The following CHGA variants were observed in gnomAD, a reference collection of about 807,000 sequenced individuals.
The protein encoded by CHGA is chromogranin A.
A neutral mutation model predicts 54.4 loss-of-function variants in CHGA; 41 were observed. That is an observed-to-expected ratio of 0.75 (90% CI 0.59 to 0.98). CHGA has a LOEUF of 0.98. CHGA is among the 50% of genes least tolerant of loss of function. The pLI, the probability that CHGA is intolerant of heterozygous loss-of-function variation, is 0.00. For missense variants in CHGA, 576 were observed against 582.3 expected (o/e 0.99, Z 0.11); for synonymous variants, 249 against 232.8 (o/e 1.07, Z -0.63).
rs189777997 is a variant in CHGA at position 92,927,436 on chromosome 14, C to G, written c.188-114C>G. 15 of 793,902 alleles carry G rather than the reference C, an allele frequency of 1.9e-5. No individual in the cohort carries two copies. In the East Asian group the frequency reaches 2.6e-4, roughly 14 times the overall value. The allele number at this position is 793,902 out of a possible 1,614,324, so 49.2% of individuals were successfully genotyped here. A position where few individuals can be genotyped will look rare whatever the true frequency, so the allele number is the denominator to read the frequency against. On this transcript the variant is annotated intron_variant, in intron 3 of 7. Coordinates refer to ENST00000216492, the MANE Select transcript of CHGA (RefSeq NM_001275.4). ...TGAAGACCCAATCTTGCTGCCACCA[C>G]CCTGGTTTTGAGTTTCCAGAGTAAA... is the stretch of plus-strand genomic sequence containing the variant.
chr14:92,924,919 C>T (rs1239772984), intron 2 of CHGA, among the ~76,000 whole-genome samples: 1 of 152,196 alleles, frequency 6.6e-6, no homozygotes, highest in South Asian at 2.1e-4. Context: ...AGTGCTCATC[C>T]AAATCTCTGA....
chr14:92,932,582 C>A lies in CHGA; in HGVS notation c.1021C>A (p.Arg341Ser). 6.4e-7 allele frequency: 1 copy of A among 1,564,992 alleles called. No individual in the cohort carries two copies. The highest frequency in any genetic ancestry group is 8.7e-7 in the Non-Finnish European group (1 of 1,154,882). Reference protein sequence around the residue: ...RLSKEWEDSKRWSKMDQLAKE... With the variant: ...RLSKEWEDSKSWSKMDQLAKE... ...CTCCAAGGAGTGGGAGGACTCCAAA[C>A]GCTGGAGCAAGATGGACCAGCTGGC... The change falls in exon 7 of 8, where the codon CGC (arginine) becomes AGC (serine). Residue 341 changes from arginine (R) to serine (S), a missense_variant. Arg to Ser is a moderately radical substitution (Grantham distance 110, BLOSUM62 -1). Coordinates refer to ENST00000216492, the MANE Select transcript of CHGA (RefSeq NM_001275.4). The surrounding 1 kb of genome is among the most constrained non-coding windows in gnomAD (Gnocchi z 5.3).
rs1479917849 is a variant in CHGA at position 92,923,350 on chromosome 14, C to T, written c.-10C>T. 28 of 1,322,542 alleles carry T rather than the reference C, an allele frequency of 2.1e-5. No individual in the cohort carries two copies. The highest frequency in any genetic ancestry group is 2.2e-5 in the Non-Finnish European group (23 of 1,039,248). The allele number at this position is 1,322,542 out of a possible 1,614,324, so 81.9% of individuals were successfully genotyped here. ...CCCACACCGCCAGCTGCTCGGCGCC[C>T]GGGTCCGCCATGCGCTCCGCCGCTG... On this transcript the variant is annotated 5_prime_UTR_variant, in exon 1 of 8. Transcript: ENST00000216492.
At position 92,931,335 on chromosome 14, in the gene CHGA, C is replaced by T. The variant is rs567354524; in HGVS notation, c.441C>T (p.Asp147=). The change falls in exon 6 of 8, where the codon GAC becomes GAT. Residue 147 remains aspartate, a synonymous_variant. Transcript: ENST00000216492. ...KEAEKSGEAT[D]GARPQALPEP... is the part of the protein sequence containing the mutation. The stretch of plus-strand genomic sequence containing the variant: ...CAGAGAAAAGTGGTGAAGCCACAGA[C>T]GGAGCCAGGCCCCAGGCCCTCCCGG... 3.2e-5 allele frequency: 51 copies of T among 1,613,744 alleles called. 1 individual carries two copies. The highest frequency in any genetic ancestry group is 2.2e-4 in the East Asian group (10 of 44,892).
chr14:92,933,894 C>T (rs1223570499), intron 7 of CHGA, among the ~76,000 whole-genome samples: 2 of 152,150 alleles, frequency 1.3e-5, no homozygotes. Context: ...AAACTGGACC[C>T]CTGAGGCATA....
Sources: allele counts gnomAD v4.1 joint callset (sites outside exome capture counted in the v4.1 genomes callset), GRCh38; gene constraint gnomAD v4.1.1; non-coding constraint Gnocchi (gnomAD v3.1); transcripts MANE v1.5; gene names NCBI Gene and HGNC (gene_info 2026-07-23, HGNC 2026-07-21).